CRIM1: variants seen among roughly 807,000 people sequenced by gnomAD.
CRIM1 encodes cysteine rich transmembrane BMP regulator 1.
CRIM1 carries 32 observed loss-of-function variants against 116.4 expected under a neutral mutation model. The observed-to-expected ratio is 0.27, with a 90% CI of 0.21 to 0.37. The LOEUF (loss-of-function observed/expected upper bound fraction) is 0.37, where lower values mean the gene tolerates loss of function less well. CRIM1 is among the 10% of genes least tolerant of loss of function. The probability of loss-of-function intolerance (pLI) is 1.00; values close to 1 mark genes in which losing one functional copy is unlikely to be tolerated. For synonymous variants in CRIM1, 590 were observed against 509.2 expected (o/e 1.16, Z -2.13); for missense variants, 1,331 against 1,354.8 (o/e 0.98, Z 0.28).
intron 1 of CRIM1, among the ~76,000 whole-genome samples, chr2:36,372,019 G>C (rs1387438026): frequency 6.6e-6 from 1 of 152,196 alleles, no homozygotes; most frequent in African/African-American, 2.4e-5. Flanking sequence ...AGGGTGTTTA[G>C]TTTAAGAAAC....
In CRIM1 at chr2:36,356,257, CCGGCTGCGAGGAGGAGGCGG is replaced by C; in HGVS notation, c.-31_-12del. ...GGAGGGCGCCCGCCCCGCTCCCGGC[CCGGCTGCGAGGAGGAGGCGG>C]CGGCGGCGCAGGAGGATGTACTTGG... is the stretch of plus-strand genomic sequence containing the variant. On this transcript the variant is annotated 5_prime_UTR_variant, in exon 1 of 17. Coordinates refer to ENST00000280527, the MANE Select transcript of CRIM1 (RefSeq NM_016441.3). The surrounding 1 kb of genome is among the most constrained non-coding windows in gnomAD (Gnocchi z 4.3). The C allele has an allele frequency of 7.8e-7, 1 of 1,276,246 alleles. No homozygotes were observed. The highest frequency in any genetic ancestry group is 1.0e-6 in the Non-Finnish European group (1 of 972,472). The allele number at this position is 1,276,246 out of a possible 1,614,324, so 79.1% of individuals were successfully genotyped here.
chr2:36,513,841 C>T (rs1664859638), intron 11 of CRIM1, 76 bp downstream of exon 11: 4 of 1,365,836 alleles, frequency 2.9e-6, no homozygotes, highest in Non-Finnish European at 4.1e-6. Flanking sequence ...ACATTTGTAA[C>T]TCTGGGGAGG....
intron 13 of CRIM1, among the ~76,000 whole-genome samples, chr2:36,536,275 C>T (rs1174615118): frequency 6.6e-6 from 1 of 152,180 alleles, no homozygotes; most frequent in East Asian, 1.9e-4. Flanking sequence ...TGAATTCTGA[C>T]CCTTCAAGAG....
In CRIM1 at chr2:36,547,027, C is replaced by G. The variant is rs764151447; in HGVS notation, c.2790C>G (p.His930Gln). The G allele has an allele frequency of 1.6e-5, 25 of 1,612,192 alleles. No homozygotes were observed. The highest frequency in any genetic ancestry group is 2.7e-5 in the African/African-American group (2 of 74,756). Residue 930 changes from histidine to glutamine, a missense_variant, in exon 16 of 17, where the codon CAC (histidine) becomes CAG (glutamine). His to Gln is a conservative substitution (Grantham distance 24). Coordinates refer to ENST00000280527, the MANE Select transcript of CRIM1 (RefSeq NM_016441.3). Reference sequence around the variant, plus strand: ...TAGATTACAGAGATAACAGGCTGCACCCAAGTGAAGATTCTTCACTGGACT... The same window carrying G: ...TAGATTACAGAGATAACAGGCTGCAGCCAAGTGAAGATTCTTCACTGGACT... Reference protein sequence around the residue: ...LQVDYRDNRLHPSEDSSLDSI... With the variant: ...LQVDYRDNRLQPSEDSSLDSI...
chr2:36,477,555 A>G (rs939541600), intron 6 of CRIM1, among the ~76,000 whole-genome samples: 1 of 152,192 alleles, frequency 6.6e-6, no homozygotes, highest in Non-Finnish European at 1.5e-5. Flanking sequence ...GGGACCTGCT[A>G]CTGCTTCTCT....
intron 4 of CRIM1, among the ~76,000 whole-genome samples, chr2:36,452,796 C>T (rs1003888224): frequency 1.3e-5 from 2 of 152,104 alleles, no homozygotes; most frequent in African/African-American, 4.8e-5. Flanking sequence ...CAGTTTAATC[C>T]GAGTGGTCAT....
chr2:36,474,215 C>T (rs139849423), intron 5 of CRIM1, among the ~76,000 whole-genome samples: 35 of 152,188 alleles, frequency 2.3e-4, no homozygotes, highest in Admixed American at 1.1e-3. Flanking sequence ...TGGGAGTTCT[C>T]GGTACCAGTT....
intron 8 of CRIM1, 103 bp from the exon 9 acceptor site, chr2:36,509,880 G>C: frequency 4.0e-6 from 4 of 1,001,218 alleles, no homozygotes; most frequent in Non-Finnish European, 5.9e-6. Context: ...CTGAGAAATT[G>C]AGATCTGTGG....
intron 5 of CRIM1, among the ~76,000 whole-genome samples, chr2:36,468,341 A>G (rs1678211796): frequency 6.6e-6 from 1 of 152,232 alleles, no homozygotes; most frequent in South Asian, 2.1e-4. Flanking sequence ...TGATGAGTAG[A>G]TGCAGAGAGA....
intron 1 of CRIM1, among the ~76,000 whole-genome samples, chr2:36,382,752 C>G (rs538347404): frequency 3.3e-5 from 5 of 152,186 alleles, no homozygotes; most frequent in Non-Finnish European, 7.3e-5. Context: ...TGAGAACTTA[C>G]CAGTCTTCCA....
chr2:36,513,206 GC>G (rs1007238166), intron 10 of CRIM1: 1 of 253,658 alleles, frequency 3.9e-6, no homozygotes, highest in Non-Finnish European at 7.7e-6. Context: ...ATTGGATGAA[GC>G]TTCTAGAGCG....
At chr2:36,478,230 C>T (rs1332536946) in intron 6 of CRIM1, among the ~76,000 whole-genome samples, 2 of 152,186 alleles carry the variant, frequency 1.3e-5, no homozygotes, top group African/African-American at 4.8e-5. Flanking sequence ...GGTTATTTTA[C>T]CCAACATAGG....
chr2:36,463,304 T>G (rs1677725127), intron 4 of CRIM1, among the ~76,000 whole-genome samples: 1 of 152,204 alleles, frequency 6.6e-6, no homozygotes, highest in Non-Finnish European at 1.5e-5. Context: ...ATATTTTAAT[T>G]TATTAAAGAT....
rs762172127 is a variant in CRIM1, at chr2:36,356,357, G to GGCT, written c.79_81dup (p.Leu27dup). 70 of 1,592,404 alleles carry GGCT rather than the reference G, an allele frequency of 4.4e-5. No homozygotes were observed. Among genetic ancestry groups the GGCT allele is most frequent in the Admixed American group, 2.4e-4 (14 of 57,522 alleles). On this transcript the variant is annotated inframe_insertion, in exon 1 of 17. Transcript: ENST00000280527. The surrounding 1 kb of genome is among the most constrained non-coding windows in gnomAD (Gnocchi z 4.3). ...GGGCACCTCCTGGTCTCGCTGCTGG[G>GGCT]GCTGCTGCTGCTGCTGGCGCGCTCC...
chr2:36,498,398 A>G (rs1487445361), intron 7 of CRIM1, among the ~76,000 whole-genome samples: 1 of 152,242 alleles, frequency 6.6e-6, no homozygotes, highest in Non-Finnish European at 1.5e-5. Context: ...GAGGATAATA[A>G]TAGCACCCAC....
chr2:36,517,072 A>G (rs140203914), intron 11 of CRIM1, among the ~76,000 whole-genome samples: 118 of 152,260 alleles, frequency 7.7e-4, no homozygotes, highest in Middle Eastern at 6.8e-3. Flanking sequence ...CTGTAATTTA[A>G]TGATCTTATT....
rs149949214 is a variant in CRIM1, at chr2:36,534,400, G to A, written c.2429-2952G>A. Among the ~76,000 whole-genome samples the A allele has an allele frequency of 3.1e-3, 432 of 140,616 alleles. 3 individuals are homozygous for A. Among genetic ancestry groups the A allele is most frequent in the African/African-American group, 0.011 (416 of 36,394 alleles). 92.2% of individuals were successfully genotyped at this position (140,616 alleles called of 152,430 possible). On this transcript the variant is annotated intron_variant, in intron 13 of 16. Coordinates refer to ENST00000280527, the MANE Select transcript of CRIM1 (RefSeq NM_016441.3). ...AAGGAAGGGAGGGAGGGGGAAGGAA[G>A]GAAGGGAAAAATACAGACAGGAAGG...
At chr2:36,409,220 A>C (rs1398814089) in intron 2 of CRIM1, among the ~76,000 whole-genome samples, 7 of 152,126 alleles carry the variant, frequency 4.6e-5, no homozygotes, top group Non-Finnish European at 1.0e-4. Flanking sequence ...TCTTTTTCCC[A>C]CTATGCCCTC....
At chr2:36,460,528 C>T (rs1304716242) in intron 4 of CRIM1, among the ~76,000 whole-genome samples, 1 of 152,120 alleles carries the variant, frequency 6.6e-6, no homozygotes, top group Non-Finnish European at 1.5e-5. Context: ...GAATACTTAT[C>T]GTAAGTGAAT....
Sources: allele counts gnomAD v4.1 joint callset (sites outside exome capture counted in the v4.1 genomes callset), GRCh38; gene constraint gnomAD v4.1.1; non-coding constraint Gnocchi (gnomAD v3.1); transcripts MANE v1.5; gene names NCBI Gene and HGNC (gene_info 2026-07-23, HGNC 2026-07-21).